Variants in SGCD observed in about 807,000 individuals in gnomAD.
The protein encoded by SGCD is delta-sarcoglycan.
A neutral mutation model predicts 36.6 loss-of-function variants in SGCD; 18 were observed. That is an observed-to-expected ratio of 0.49 (90% CI 0.34 to 0.73). SGCD has a LOEUF of 0.73. SGCD is among the 30% of genes least tolerant of loss of function. SGCD has a pLI of 0.01. For synonymous variants in SGCD, 133 were observed against 130.6 expected (o/e 1.02, Z -0.12); for missense variants, 387 against 346.7 (o/e 1.12, Z -0.92).
At chr5:156,167,024 C>T (rs1377759737) in intron 3 of SGCD, among the ~76,000 whole-genome samples, 2 of 152,054 alleles carry the variant, frequency 1.3e-5, no homozygotes, top group East Asian at 1.9e-4. Flanking sequence ...TTCTCCTTCC[C>T]TAATTCTGAG....
At chr5:156,016,602 CAT>C (rs1245241358) in intron 1 of SGCD, among the ~76,000 whole-genome samples, 4 of 152,034 alleles carry the variant, frequency 2.6e-5, no homozygotes, top group East Asian at 1.9e-4. Context: ...AGCAGATACA[CAT>C]ATGTTTTCTT....
the SGCD span, among the ~76,000 whole-genome samples, chr5:155,816,756 T>C: frequency 1.1e-4 from 16 of 152,290 alleles, no homozygotes; most frequent in East Asian, 1.2e-3. Context: ...CTTGGTTTCA[T>C]TGGAATGAGT....
rs560620669 is a variant in SGCD at position 156,273,441 on chromosome 5, AT to A, written c.-43-56091del. 2.4e-3 allele frequency among the ~76,000 whole-genome samples: 373 copies of A among 152,264 alleles called. 2 individuals are homozygous for A. The highest frequency in any genetic ancestry group is 8.5e-3 in the African/African-American group (355 of 41,552). ...AACATGGATATTTTGCTCACAGCCCATTGTCAGTTTGCTGCCACCTGTGACT... is the reference window on the plus strand; with the variant it reads ...AACATGGATATTTTGCTCACAGCCCATGTCAGTTTGCTGCCACCTGTGACT... On this transcript the variant is annotated intron_variant, in intron 3 of 9. Coordinates refer to the SGCD transcript ENST00000517913.
the SGCD span, among the ~76,000 whole-genome samples, chr5:155,804,407 C>G: frequency 0.86 from 131,304 of 152,262 alleles, 56,734 homozygotes; most frequent in East Asian, 0.99. Flanking sequence ...ACCTTAGACA[C>G]TATGCTCTGA....
At chr5:155,943,878 G>A (rs1757384060) in intron 1 of SGCD, among the ~76,000 whole-genome samples, 2 of 152,132 alleles carry the variant, frequency 1.3e-5, no homozygotes, top group Non-Finnish European at 1.5e-5. Flanking sequence ...CTCCTTCAAA[G>A]TTACCCACTT....
chr5:155,881,315 T>TAAATAAATAAATAAATAAAG (rs1418524363), intron 1 of SGCD, among the ~76,000 whole-genome samples: 1 of 151,472 alleles, frequency 6.6e-6, no homozygotes, highest in African/African-American at 2.4e-5. Flanking sequence ...AATAAATAAA[T>TAAATAAATAAATAAATAAAG]AAATAAATAA....
intron 1 of SGCD, among the ~76,000 whole-genome samples, chr5:156,047,041 G>A (rs913311126): frequency 1.3e-4 from 20 of 152,084 alleles, no homozygotes; most frequent in Non-Finnish European, 2.9e-5. Flanking sequence ...AAGTTTGAGT[G>A]GTCTGAATAG....
intron 1 of SGCD, among the ~76,000 whole-genome samples, chr5:156,006,205 A>T (rs1324144068): frequency 1.3e-5 from 2 of 152,194 alleles, no homozygotes; most frequent in African/African-American, 4.8e-5. Context: ...CACATGTAGG[A>T]CCCAGATTCA....
chr5:156,716,059 T>C (rs980840986), intron 7 of SGCD, among the ~76,000 whole-genome samples: 1 of 152,144 alleles, frequency 6.6e-6, no homozygotes, highest in Non-Finnish European at 1.5e-5. Context: ...TATAAATGAT[T>C]TTTTTAACTA....
intron 1 of SGCD, among the ~76,000 whole-genome samples, chr5:155,924,619 T>A (rs1302762036): frequency 6.6e-6 from 1 of 152,170 alleles, no homozygotes; most frequent in Admixed American, 6.6e-5. Flanking sequence ...TAAATGGATT[T>A]GGTTTCAAAC....
chr5:156,157,472 A>G (rs184011397), intron 3 of SGCD, among the ~76,000 whole-genome samples: 2 of 151,788 alleles, frequency 1.3e-5, no homozygotes, highest in African/African-American at 2.4e-5. Context: ...TAGAAAGACC[A>G]TTAATCCCAC....
At chr5:155,804,429 TC>T in the SGCD span, among the ~76,000 whole-genome samples, 3 of 152,204 alleles carry the variant, frequency 2.0e-5, no homozygotes, top group African/African-American at 7.2e-5. Flanking sequence ...ACTTCCCTAT[TC>T]CAGTTTTTAT....
At chr5:156,424,916 C>A (rs1773601331) in intron 3 of SGCD, among the ~76,000 whole-genome samples, 1 of 152,048 alleles carries the variant, frequency 6.6e-6, no homozygotes, top group African/African-American at 2.4e-5. Flanking sequence ...ACCAGAGGAA[C>A]TTTTTTTATT....
rs570583778 is a variant in SGCD, at chr5:156,412,888, C to T, written c.192+68211C>T. On this transcript the variant is annotated intron_variant, in intron 3 of 8. Coordinates refer to ENST00000337851, the MANE Select transcript of SGCD (RefSeq NM_000337.6). ...TCGGCTCACTGCAAGCTCTGCTTCC[C>T]GGGTTCACGCCATTCTCCTGCCTCA... is the stretch of plus-strand genomic sequence containing the variant. 1.9e-4 allele frequency among the ~76,000 whole-genome samples: 28 copies of T among 150,946 alleles called. No individual in the cohort carries two copies. The South Asian group carries it at 4.6e-3, about 25-fold the overall frequency.
chr5:156,625,527 AT>A (rs969870941), intron 6 of SGCD, among the ~76,000 whole-genome samples: 1 of 152,124 alleles, frequency 6.6e-6, no homozygotes, highest in African/African-American at 2.4e-5. Flanking sequence ...ATTATAGATT[AT>A]TTTCTATATT....
intron 4 of SGCD, among the ~76,000 whole-genome samples, chr5:156,527,967 A>C (rs1488930189): frequency 6.6e-6 from 1 of 152,222 alleles, no homozygotes; most frequent in Non-Finnish European, 1.5e-5. Context: ...TCTAAAATAT[A>C]TCTCTGACCC....
the SGCD span, among the ~76,000 whole-genome samples, chr5:155,730,475 G>GT: frequency 6.6e-5 from 10 of 151,202 alleles, no homozygotes; most frequent in African/African-American, 1.7e-4. Context: ...GTGTGTGTGT[G>GT]GCGAGGGGAA....
At chr5:155,759,224 C>A in the SGCD span, among the ~76,000 whole-genome samples, 1 of 152,030 alleles carries the variant, frequency 6.6e-6, no homozygotes, top group African/African-American at 2.4e-5. Flanking sequence ...TAGACATTAG[C>A]CTTTGTCGAG....
intron 4 of SGCD, among the ~76,000 whole-genome samples, chr5:156,549,715 T>C (rs925608614): frequency 2.2e-4 from 33 of 152,248 alleles, no homozygotes; most frequent in African/African-American, 7.7e-4. Context: ...TAGTAGCTTC[T>C]CAGACTCTTG....
Sources: allele counts gnomAD v4.1 joint callset (sites outside exome capture counted in the v4.1 genomes callset), GRCh38; gene constraint gnomAD v4.1.1; transcripts MANE v1.5; gene names NCBI Gene and HGNC (gene_info 2026-07-23, HGNC 2026-07-21).